The following MACF1 variants were observed in gnomAD, a reference collection of about 807,000 sequenced individuals.
MACF1 encodes the protein microtubule actin crosslinking factor 1.
A neutral mutation model predicts 854.8 loss-of-function variants in MACF1; 193 were observed. The observed-to-expected ratio is 0.23, with a 90% CI of 0.20 to 0.25. The LOEUF is 0.25. Among genes scored for constraint, MACF1 ranks in the 10% least tolerant of loss-of-function variants. The pLI is 1.00. For synonymous variants in MACF1, 3,185 were observed against 3,226.7 expected, an observed-to-expected ratio of 0.99 and a Z score of 0.44; for missense variants, 7,722 against 8,929.1, an observed-to-expected ratio of 0.86 and a Z score of 5.45.
intron 6 of MACF1, among the ~76,000 whole-genome samples, chr1:39,259,645 G>A (rs1394764070): frequency 2.0e-5 from 3 of 149,418 alleles, no homozygotes; most frequent in African/African-American, 4.9e-5. Flanking sequence ...TTTTTGAGAC[G>A]GAATTTCGCT....
At chr1:39,462,782 C>T (rs1644581593) in intron 93 of MACF1, among the ~76,000 whole-genome samples, 1 of 152,122 alleles carries the variant, frequency 6.6e-6, no homozygotes, top group African/African-American at 2.4e-5. Context: ...ACCCATCATG[C>T]TTTCTGCCTT....
chr1:39,441,182 G>A lies in MACF1; in HGVS notation c.18571-42G>A, dbSNP rs755964980. 8.2e-5 allele frequency: 133 copies of A among 1,613,898 alleles called. No individual in the cohort carries two copies. In the Admixed American group the frequency reaches 2.2e-3, roughly 26 times the overall value. On this transcript the variant is annotated intron_variant, in intron 73 of 100. Transcript: ENST00000564288. ...AACATTAGTGGGCCCAGACTGAAGA[G>A]TGGTATTGATTGAAGAATCTGATTG...
chr1:39,374,217 G>A (rs1649517710), intron 52 of MACF1, among the ~76,000 whole-genome samples: 1 of 152,236 alleles, frequency 6.6e-6, no homozygotes, highest in South Asian at 2.1e-4. Context: ...ACTCCAGCCT[G>A]TGCGACAGGG....
In MACF1 at chr1:39,378,913, C is replaced by T. The variant is rs576520853; in HGVS notation, c.13277-290C>T. On this transcript the variant is annotated intron_variant, in intron 53 of 100. Transcript: ENST00000564288. Reference sequence around the variant, plus strand: ...GAAGAATGCTCCAAGTCCCTTAATCCCAATAGTAAACTAAGGTTAATTTCT... The same window carrying T: ...GAAGAATGCTCCAAGTCCCTTAATCTCAATAGTAAACTAAGGTTAATTTCT... Among the ~76,000 whole-genome samples the T allele has an allele frequency of 2.6e-5, 4 of 152,230 alleles. No homozygotes were observed. The East Asian group carries it at 7.7e-4, about 29-fold the overall frequency.
rs1645098670 is a variant in MACF1 at position 39,486,176 on chromosome 1, T to C, written c.*382T>C. Reference sequence around the variant, plus strand: ...ATGCATCTTCTTTATAAACTTGACTTGCTATCTCAGCAAGATAAATTATAT... The same window carrying C: ...ATGCATCTTCTTTATAAACTTGACTCGCTATCTCAGCAAGATAAATTATAT... On this transcript the variant is annotated 3_prime_UTR_variant, in exon 101 of 101. Transcript: ENST00000564288. 1 of 157,172 alleles carries C rather than the reference T, an allele frequency of 6.4e-6. No individual in the cohort carries two copies. The highest frequency in any genetic ancestry group is 2.4e-5 in the African/African-American group (1 of 41,644). 9.7% of individuals were successfully genotyped at this position (157,172 alleles called of 1,614,324 possible).
intron 97 of MACF1, among the ~76,000 whole-genome samples, chr1:39,472,015 G>T (rs954901409): frequency 6.6e-6 from 1 of 152,134 alleles, no homozygotes; most frequent in Admixed American, 6.5e-5. Context: ...GCATCAGCCA[G>T]TTTCAGGTGG....
chr1:39,450,802 AG>A (rs1227302196), intron 84 of MACF1, among the ~76,000 whole-genome samples: 3 of 151,554 alleles, frequency 2.0e-5, no homozygotes, highest in African/African-American at 7.3e-5. Context: ...TAGTAGAGAC[AG>A]GGTTTCACCG....
At chr1:39,430,551 T>C (rs1258498318) in intron 65 of MACF1, 151 bp from the exon 66 acceptor site, 2 of 658,272 alleles carry the variant, frequency 3.0e-6, no homozygotes, top group Non-Finnish European at 5.2e-6. Flanking sequence ...TTCAGAATGA[T>C]TGAAAAATCT....
rs1220224349 is a variant in MACF1 at position 39,427,732 on chromosome 1, G to A, written c.16476+118G>A. 10 of 1,086,228 alleles carry A rather than the reference G, an allele frequency of 9.2e-6. No homozygotes were observed. In the African/African-American group the frequency reaches 1.3e-4, roughly 14 times the overall value. The allele number at this position is 1,086,228 out of a possible 1,614,324, so 67.3% of individuals were successfully genotyped here. A position where few individuals can be genotyped will look rare whatever the true frequency, so the allele number is the denominator to read the frequency against. ...TTTTGTGGGTTTAACTTAAAATATG[G>A]TCAGATTATTAATTGGAAAAGTCAC... On this transcript the variant is annotated intron_variant, in intron 62 of 100. Coordinates refer to ENST00000564288, the MANE Select transcript of MACF1 (RefSeq NM_001394062.1).
rs145461653 is a variant in MACF1 at position 39,129,091 on chromosome 1, C to A, written c.220+44653C>A. 7.1e-3 allele frequency among the ~76,000 whole-genome samples: 1,082 copies of A among 152,288 alleles called. 4 individuals carry two copies. The highest frequency in any genetic ancestry group is 0.011 in the Non-Finnish European group (776 of 68,030). ...TTGGATTTTGTTAGTACTTCACACC[C>A]TTCTAAAGATCAGGTGCTTAGAGCC... is the stretch of plus-strand genomic sequence containing the variant. On this transcript the variant is annotated intron_variant, in intron 2 of 93. Coordinates refer to the MACF1 transcript ENST00000361689.
chr1:39,298,811 A>C (rs1405959665), intron 21 of MACF1: 1 of 343,770 alleles, frequency 2.9e-6, no homozygotes, highest in African/African-American at 2.2e-5. Flanking sequence ...AAGGAGGAAT[A>C]TAATCATTGG....
At chr1:39,185,825 C>T (rs1644161660) in intron 2 of MACF1, among the ~76,000 whole-genome samples, 1 of 152,138 alleles carries the variant, frequency 6.6e-6, no homozygotes, top group Admixed American at 6.5e-5. Flanking sequence ...AGCCATCTCC[C>T]TGTATCTCTT....
At chr1:39,138,921 T>A (rs1370382304) in intron 2 of MACF1, among the ~76,000 whole-genome samples, 2 of 152,140 alleles carry the variant, frequency 1.3e-5, no homozygotes, top group African/African-American at 2.4e-5. Context: ...CACCTTGGCC[T>A]CCCAAAGTGC....
intron 51 of MACF1, 50 bp from the exon 52 acceptor site, chr1:39,372,429 T>C (rs368592666): frequency 5.8e-6 from 6 of 1,026,826 alleles, no homozygotes; most frequent in Admixed American, 5.3e-5. Context: ...TCCCTACTTA[T>C]GAGGAAAAAG....
chr1:39,444,909 A>G (rs1644193666), intron 80 of MACF1, 74 bp downstream of exon 80: 4 of 1,401,686 alleles, frequency 2.9e-6, no homozygotes, highest in South Asian at 2.9e-5. Flanking sequence ...TCTTATTTAT[A>G]TGAAGATTTT....
chr1:39,178,241 G>A lies in MACF1; in HGVS notation c.221-52941G>A, dbSNP rs190426543. On this transcript the variant is annotated intron_variant, in intron 2 of 93. Transcript: ENST00000361689. Reference sequence around the variant, plus strand: ...GTTCTGGGATACATGTGCAGAATGTGCAGGTTTGTTACATAGGTATACATG... The same window carrying A: ...GTTCTGGGATACATGTGCAGAATGTACAGGTTTGTTACATAGGTATACATG... 4.8e-3 allele frequency among the ~76,000 whole-genome samples: 704 copies of A among 146,982 alleles called. 1 individual carries two copies. Among genetic ancestry groups the A allele is most frequent in the Admixed American group, 8.8e-3 (127 of 14,472 alleles).
intron 58 of MACF1, among the ~76,000 whole-genome samples, chr1:39,403,902 G>A (rs1206708193): frequency 6.6e-6 from 1 of 152,088 alleles, no homozygotes; most frequent in African/African-American, 2.4e-5. Context: ...GCCGAGGCGG[G>A]CAGATCACCT....
chr1:39,154,000 G>T (rs1461034396), intron 2 of MACF1, among the ~76,000 whole-genome samples: 1 of 152,212 alleles, frequency 6.6e-6, no homozygotes, highest in Non-Finnish European at 1.5e-5. Flanking sequence ...TGGGTTAGCA[G>T]CTGCTTTGGG....
At chr1:39,411,693 T>G (rs1643013823) in intron 58 of MACF1, 2 of 1,613,906 alleles carry the variant, frequency 1.2e-6, no homozygotes, top group Non-Finnish European at 8.5e-7. Context: ...AGTGTTTATG[T>G]GAAGAAGGAG....
Sources: gnomAD v4.1 joint callset for allele counts (sites outside exome capture counted in the v4.1 genomes callset) on GRCh38, gnomAD v4.1.1 for gene constraint, MANE v1.5 for transcripts, NCBI Gene and HGNC (gene_info 2026-07-23, HGNC 2026-07-21) for gene names.